Variants in NSL1 observed in about 807,000 individuals in gnomAD.
NSL1 encodes NSL1 component of MIS12 kinetochore complex, also known as kinetochore-associated protein NSL1 homolog.
A neutral mutation model predicts 25.4 loss-of-function variants in NSL1; 11 were observed. The ratio of observed to expected loss-of-function variants is 0.43; its 90% confidence interval spans 0.27 to 0.72. The LOEUF (loss-of-function observed/expected upper bound fraction) is 0.72, where lower values mean the gene tolerates loss of function less well. Ranked by LOEUF, NSL1 falls within the 30% of genes least tolerant of loss-of-function variation. The pLI is 0.19. For synonymous variants in NSL1, 118 were observed against 120.6 expected (o/e 0.98, Z 0.14); for missense variants, 330 against 342.7 (o/e 0.96, Z 0.29).
At chr1:212,763,419 A>G (rs1368370852) in intron 4 of NSL1, among the ~76,000 whole-genome samples, 1 of 152,242 alleles carries the variant, frequency 6.6e-6, no homozygotes, top group African/African-American at 2.4e-5. Flanking sequence ...CATGATGAAT[A>G]GAACAGTACC....
At position 212,740,063 on chromosome 1, in the gene NSL1, T is replaced by C. The variant is rs1328748566; in HGVS notation, c.500-462A>G. ...TCAGTAATACTACTTTCTCTTTCCT[T>C]ACTTCCTAATACATATTTTCTTCTT... is the stretch of plus-strand genomic sequence containing the variant. On this transcript the variant is annotated intron_variant, in intron 4 of 5. Transcript: ENST00000366977. 2.0e-5 allele frequency among the ~76,000 whole-genome samples: 3 copies of C among 152,330 alleles called. No homozygotes were observed. The East Asian group carries it at 5.8e-4, about 29-fold the overall frequency.
chr1:212,728,665 T>A lies in NSL1; in HGVS notation c.*9743A>T. On this transcript the variant is annotated 3_prime_UTR_variant, in exon 6 of 6. Transcript: ENST00000366977. ...GAGTGAAGGGAACCACAGGCTTATC[T>A]GCACATCACTTATACCATTTGGTGA... is the stretch of plus-strand genomic sequence containing the variant. 1.0e-6 allele frequency: 1 copy of A among 985,468 alleles called. No individual in the cohort carries two copies. The highest frequency in any genetic ancestry group is 1.2e-6 in the Non-Finnish European group (1 of 829,940). 61.0% of individuals were successfully genotyped at this position (985,468 alleles called of 1,614,324 possible). A position where few individuals can be genotyped will look rare whatever the true frequency, so the allele number is the denominator to read the frequency against.
At chr1:212,772,469 A>G (rs1038074526) in intron 4 of NSL1, among the ~76,000 whole-genome samples, 3 of 151,976 alleles carry the variant, frequency 2.0e-5, no homozygotes, top group Admixed American at 1.3e-4. Context: ...AGACCAGCCT[A>G]CCTGGTGAAA....
rs10717383 is a variant in NSL1 at position 212,749,339 on chromosome 1, G to GTTTT, written c.500-9742_500-9739dup. 8.3e-4 allele frequency among the ~76,000 whole-genome samples: 64 copies of GTTTT among 76,932 alleles called. 2 individuals carry two copies. Among genetic ancestry groups the GTTTT allele is most frequent in the African/African-American group, 2.6e-3 (57 of 21,706 alleles). The allele number at this position is 76,932 out of a possible 152,430, so 50.5% of individuals were successfully genotyped here. A position where few individuals can be genotyped will look rare whatever the true frequency, so the allele number is the denominator to read the frequency against. ...CTTAAGGGATTTTGCGTTTTATTGT[G>GTTTT]TTTTTTTTTTTTTTTTTTTTTTTGA... On this transcript the variant is annotated intron_variant, in intron 4 of 5. Transcript: ENST00000366977.
rs772211983 is a variant in NSL1 at position 212,737,565 on chromosome 1, GATAT to G, written c.*839_*842del. The stretch of plus-strand genomic sequence containing the variant: ...GACTTCTCCCAGTGATTATATACCT[GATAT>G]ATAAACATCTTCAAATGTGAAATAG... On this transcript the variant is annotated 3_prime_UTR_variant, in exon 6 of 6. Coordinates refer to ENST00000366977, the MANE Select transcript of NSL1 (RefSeq NM_015471.4). The G allele has an allele frequency of 1.8e-5, 18 of 974,658 alleles. No individual in the cohort carries two copies. The highest frequency in any genetic ancestry group is 1.2e-4 in the Admixed American group (2 of 16,244). 60.4% of individuals were successfully genotyped at this position (974,658 alleles called of 1,614,324 possible).
Position 212,728,903 on chromosome 1 carries a change from G to C in NSL1, c.*9505C>G. 2 of 985,336 alleles carry C rather than the reference G, an allele frequency of 2.0e-6. No homozygotes were observed. The highest frequency in any genetic ancestry group is 2.4e-6 in the Non-Finnish European group (2 of 829,902). The allele number at this position is 985,336 out of a possible 1,614,324, so 61.0% of individuals were successfully genotyped here. A position where few individuals can be genotyped will look rare whatever the true frequency, so the allele number is the denominator to read the frequency against. ...TGGGGAGGCCAGAGTCCACCACTCT[G>C]GCAAAGAGCAGTGTTTATTTGTGTG... On this transcript the variant is annotated 3_prime_UTR_variant, in exon 6 of 6. Coordinates refer to ENST00000366977, the MANE Select transcript of NSL1 (RefSeq NM_015471.4).
rs1657889581 is a variant in NSL1, at chr1:212,728,785, G to GT, written c.*9622dup. 1.0e-6 allele frequency: 1 copy of GT among 985,228 alleles called. No individual in the cohort carries two copies. The highest frequency in any genetic ancestry group is 1.7e-5 in the African/African-American group (1 of 57,220). 61.0% of individuals were successfully genotyped at this position (985,228 alleles called of 1,614,324 possible). A position where few individuals can be genotyped will look rare whatever the true frequency, so the allele number is the denominator to read the frequency against. On this transcript the variant is annotated 3_prime_UTR_variant, in exon 6 of 6. Transcript: ENST00000366977. ...CCACATCTCGCAGCTTCTCCCTTCTGTTTTTCCTCTCACTCTGACTCGAGG... is the reference window on the plus strand; with the variant it reads ...CCACATCTCGCAGCTTCTCCCTTCTGTTTTTTCCTCTCACTCTGACTCGAGG...
At chr1:212,778,556 G>A (rs1479403531) in intron 4 of NSL1, among the ~76,000 whole-genome samples, 4 of 152,126 alleles carry the variant, frequency 2.6e-5, no homozygotes, top group East Asian at 3.9e-4. Context: ...GCGCCGCCAC[G>A]CCTGACTGGT....
At chr1:212,786,015 T>A (rs1361680497) in intron 2 of NSL1, among the ~76,000 whole-genome samples, 1 of 152,146 alleles carries the variant, frequency 6.6e-6, no homozygotes, top group African/African-American at 2.4e-5. Context: ...CACCCTTTTT[T>A]TCCTTTTTCT....
At chr1:212,745,606 TTCACTA>T (rs1658753958) in intron 4 of NSL1, among the ~76,000 whole-genome samples, 1 of 152,198 alleles carries the variant, frequency 6.6e-6, no homozygotes, top group Admixed American at 6.5e-5. Flanking sequence ...CCACCAAGAA[TTCACTA>T]TCTGCCAAAA....
At chr1:212,759,865 A>G (rs1239060248) in intron 4 of NSL1, among the ~76,000 whole-genome samples, 1 of 152,120 alleles carries the variant, frequency 6.6e-6, no homozygotes, top group African/African-American at 2.4e-5. Flanking sequence ...CGTGGGACAG[A>G]GGGAGCTGAA....
At chr1:212,743,943 G>A (rs1266906477) in intron 4 of NSL1, among the ~76,000 whole-genome samples, 1 of 152,074 alleles carries the variant, frequency 6.6e-6, no homozygotes, top group East Asian at 1.9e-4. Flanking sequence ...CCTGGTGAGT[G>A]GCTCTCTGAA....
Position 212,727,199 on chromosome 1 carries a change from T to C in NSL1, c.*11209A>G. On this transcript the variant is annotated 3_prime_UTR_variant, in exon 6 of 6. Coordinates refer to ENST00000366977, the MANE Select transcript of NSL1 (RefSeq NM_015471.4). ...TGGCTCCTAATGTGTTAAATGGGGG[T>C]GAATGGAATTTAGAAGATCTCTTTT... 2 of 1,529,346 alleles carry C rather than the reference T, an allele frequency of 1.3e-6. No individual in the cohort carries two copies. The highest frequency in any genetic ancestry group is 1.8e-6 in the Non-Finnish European group (2 of 1,137,610). The allele number at this position is 1,529,346 out of a possible 1,614,324, so 94.7% of individuals were successfully genotyped here.
chr1:212,778,436 C>T (rs1476291812), intron 4 of NSL1, among the ~76,000 whole-genome samples: 1 of 152,200 alleles, frequency 6.6e-6, no homozygotes, highest in African/African-American at 2.4e-5. Context: ...CCACGGTCTC[C>T]CTCTGATGCC....
At chr1:212,740,202 T>C (rs1658438828) in intron 4 of NSL1, among the ~76,000 whole-genome samples, 1 of 152,334 alleles carries the variant, frequency 6.6e-6, no homozygotes, top group African/African-American at 2.4e-5. Flanking sequence ...AATTACTTTT[T>C]AGAAGAGTAG....
chr1:212,787,743 G>A lies in NSL1; in HGVS notation c.235-106C>T. 3 of 583,458 alleles carry A rather than the reference G, an allele frequency of 5.1e-6. No individual in the cohort carries two copies. The South Asian group carries it at 7.2e-5, about 14-fold the overall frequency. The allele number at this position is 583,458 out of a possible 1,614,324, so 36.1% of individuals were successfully genotyped here. The stretch of plus-strand genomic sequence containing the variant: ...CAGATTTGTGACAGAGGAAATAAAA[G>A]TAGCAGAATAGCTAATTAGTATATC... On this transcript the variant is annotated intron_variant, in intron 1 of 5. Coordinates refer to ENST00000366977, the MANE Select transcript of NSL1 (RefSeq NM_015471.4).
Position 212,737,315 on chromosome 1 carries a change from G to C in NSL1, c.*1093C>G. On this transcript the variant is annotated 3_prime_UTR_variant, in exon 6 of 6. Transcript: ENST00000366977. ...CTTCTGGTGACTTCTGGTGAATCTA[G>C]ACATTTATGATTATTAATACATAAT... 1.0e-6 allele frequency: 1 copy of C among 985,058 alleles called. No individual in the cohort carries two copies. Among genetic ancestry groups the C allele is most frequent in the Non-Finnish European group, 1.2e-6 (1 of 829,644 alleles). The allele number at this position is 985,058 out of a possible 1,614,324, so 61.0% of individuals were successfully genotyped here.
chr1:212,734,720 T>C lies in NSL1; in HGVS notation c.*3688A>G, dbSNP rs1164873681. On this transcript the variant is annotated 3_prime_UTR_variant, in exon 6 of 6. Transcript: ENST00000366977. ...AATTTGTTCTTTATTCCTGTATTCC[T>C]TCCCTGATTATTTGCCTAAAACATT... Among the ~76,000 whole-genome samples the C allele has an allele frequency of 2.0e-5, 3 of 152,218 alleles. No homozygotes were observed. The highest frequency in any genetic ancestry group is 4.4e-5 in the Non-Finnish European group (3 of 68,038).
At chr1:212,782,848 C>T (rs1660784618) in intron 3 of NSL1, among the ~76,000 whole-genome samples, 1 of 150,756 alleles carries the variant, frequency 6.6e-6, no homozygotes, top group Non-Finnish European at 1.5e-5. Context: ...GCTACATTAC[C>T]ACCACACTAA....
Sources: allele counts gnomAD v4.1 joint callset (sites outside exome capture counted in the v4.1 genomes callset), GRCh38; gene constraint gnomAD v4.1.1; transcripts MANE v1.5; gene names NCBI Gene and HGNC (gene_info 2026-07-23, HGNC 2026-07-21).